EML6: variants seen among roughly 807,000 people sequenced by gnomAD.
EML6 encodes the protein EMAP like 6, also known as echinoderm microtubule-associated protein-like 6.
In EML6, 154 loss-of-function variants were observed where a neutral mutation model predicts 240.1. The observed-to-expected ratio is 0.64, with a 90% CI of 0.56 to 0.73. The LOEUF (loss-of-function observed/expected upper bound fraction) is 0.73. Among genes scored for constraint, EML6 ranks in the 30% least tolerant of loss-of-function variants. The pLI is 0.00. For synonymous variants in EML6, 1,148 were observed against 899.0 expected (o/e 1.28, Z -4.95); for missense variants, 2,964 against 2,474.6 (o/e 1.20, Z -4.20).
intron 20 of EML6, 45 bp from the exon 21 acceptor site, chr2:54,895,228 C>T (rs1672699707): frequency 6.5e-7 from 1 of 1,545,386 alleles, no homozygotes; most frequent in African/African-American, 1.4e-5. Flanking sequence ...TACTAATAAG[C>T]AGTTGTTTTT....
chr2:54,913,502 T>C (rs1481632849), intron 25 of EML6, among the ~76,000 whole-genome samples: 1 of 152,092 alleles, frequency 6.6e-6, no homozygotes, highest in Non-Finnish European at 1.5e-5. Context: ...TTTAATGGGG[T>C]TGTTTTTTGC....
At chr2:54,728,991 G>C (rs923082940) in intron 2 of EML6, among the ~76,000 whole-genome samples, 1 of 152,212 alleles carries the variant, frequency 6.6e-6, no homozygotes, top group Non-Finnish European at 1.5e-5. Flanking sequence ...TGGCATAGCA[G>C]TGGGAGCTTG....
rs1672448665 is a variant in EML6, at chr2:54,891,189, A to ATTC, written c.2539+35_2539+36insTTC. The ATTC allele has an allele frequency of 4.7e-6, 5 of 1,070,110 alleles. No homozygotes were observed. The African/African-American group carries it at 7.8e-5, about 17-fold the overall frequency. 66.3% of individuals were successfully genotyped at this position (1,070,110 alleles called of 1,614,324 possible). The stretch of plus-strand genomic sequence containing the variant: ...TTTGGGTTTATCATTTATGTGATTG[A>ATTC]GAGCTTTACCCTAGCTGGAAAGAAA... On this transcript the variant is annotated intron_variant, in intron 18 of 41. Coordinates refer to ENST00000356458, the MANE Select transcript of EML6 (RefSeq NM_001039753.4).
intron 7 of EML6, among the ~76,000 whole-genome samples, chr2:54,830,535 C>G (rs1668816555): frequency 6.6e-6 from 1 of 152,158 alleles, no homozygotes; most frequent in Non-Finnish European, 1.5e-5. Context: ...TGGGCTGTTC[C>G]TCATGAAGCC....
chr2:54,744,575 G>T lies in EML6; in HGVS notation c.197+19317G>T, dbSNP rs115323527. Among the ~76,000 whole-genome samples the T allele has an allele frequency of 9.2e-3, 1,400 of 152,146 alleles. 17 individuals carry two copies. Among genetic ancestry groups the T allele is most frequent in the African/African-American group, 0.032 (1,338 of 41,484 alleles). ...AGTGTGAAGGAATGACCTCTGGAAC[G>T]CAGAGCAGGGGGAGCAGGAGGGAGA... On this transcript the variant is annotated intron_variant, in intron 2 of 41. Transcript: ENST00000356458.
At chr2:54,860,298 C>T (rs985542090) in intron 12 of EML6, among the ~76,000 whole-genome samples, 1 of 152,048 alleles carries the variant, frequency 6.6e-6, no homozygotes, top group African/African-American at 2.4e-5. Flanking sequence ...ATTTGGGAGT[C>T]TCTAGACCAT....
intron 17 of EML6, among the ~76,000 whole-genome samples, chr2:54,887,974 G>A (rs1280599401): frequency 4.6e-5 from 7 of 152,170 alleles, no homozygotes; most frequent in Admixed American, 6.5e-5. Flanking sequence ...TACATTCTGC[G>A]AGTTTTGACA....
At chr2:54,782,850 C>G (rs549000021) in intron 2 of EML6, among the ~76,000 whole-genome samples, 1 of 152,266 alleles carries the variant, frequency 6.6e-6, no homozygotes, top group Non-Finnish European at 1.5e-5. Context: ...CACCACTTGC[C>G]TACCGTGTAA....
intron 19 of EML6, among the ~76,000 whole-genome samples, chr2:54,893,064 C>T (rs1056365047): frequency 2.2e-4 from 34 of 152,252 alleles, no homozygotes; most frequent in African/African-American, 7.0e-4. Flanking sequence ...CCATTTGCTA[C>T]GATAAATTTG....
intron 6 of EML6, 61 bp downstream of exon 6, chr2:54,827,812 C>T (rs1668669516): frequency 1.7e-6 from 2 of 1,187,288 alleles, no homozygotes; most frequent in Non-Finnish European, 2.4e-6. Flanking sequence ...ACCACGAATC[C>T]CTCCCTGTAT....
intron 25 of EML6, among the ~76,000 whole-genome samples, chr2:54,913,364 C>T (rs993656337): frequency 6.6e-6 from 1 of 151,882 alleles, no homozygotes; most frequent in East Asian, 1.9e-4. Context: ...CTTCCTGCCT[C>T]AGTCTCCCGA....
At position 54,970,354 on chromosome 2, in the gene EML6, A is replaced by C. The variant is rs955408618; in HGVS notation, c.*259A>C. On this transcript the variant is annotated 3_prime_UTR_variant, in exon 42 of 42. Transcript: ENST00000356458. ...CTGTTCCTGAGACTAAACAGTATAC[A>C]TACTAACTACATTGACAAAGAAATC... 4.2e-6 allele frequency: 2 copies of C among 478,196 alleles called. No homozygotes were observed. The highest frequency in any genetic ancestry group is 7.5e-6 in the Non-Finnish European group (2 of 265,330). The allele number at this position is 478,196 out of a possible 1,614,324, so 29.6% of individuals were successfully genotyped here.
chr2:54,968,751 T>A lies in EML6; in HGVS notation c.5835T>A (p.Thr1945=). 6.5e-7 allele frequency: 1 copy of A among 1,542,824 alleles called. No individual in the cohort carries two copies. Among genetic ancestry groups the A allele is most frequent in the Non-Finnish European group, 8.8e-7 (1 of 1,138,856 alleles). Residue 1945 remains threonine, a synonymous_variant, in exon 41 of 42, where the codon ACT becomes ACA. Coordinates refer to ENST00000356458, the MANE Select transcript of EML6 (RefSeq NM_001039753.4). ...FSYDDKYVVS[T]GGDDCSVFVW... Reference sequence around the variant, plus strand: ...ATGATGACAAGTATGTGGTCAGCACTGGAGGAGACGACTGCAGGTACTAAC... The same window carrying A: ...ATGATGACAAGTATGTGGTCAGCACAGGAGGAGACGACTGCAGGTACTAAC...
chr2:54,897,555 A>T (rs1371325577), intron 21 of EML6, among the ~76,000 whole-genome samples: 1 of 152,148 alleles, frequency 6.6e-6, no homozygotes, highest in Admixed American at 6.5e-5. Context: ...TGTTCACCTC[A>T]CCAGGCTGTT....
intron 6 of EML6, among the ~76,000 whole-genome samples, chr2:54,829,094 G>A (rs6727163): frequency 0.059 from 8,975 of 152,134 alleles, 882 homozygotes; most frequent in African/African-American, 0.2. Context: ...TTTTTAAACT[G>A]TAATCTTTTT....
chr2:54,812,771 T>C (rs922896040), intron 2 of EML6, among the ~76,000 whole-genome samples: 5 of 152,188 alleles, frequency 3.3e-5, no homozygotes, highest in African/African-American at 1.2e-4. Flanking sequence ...CCATTCATGC[T>C]TTGAAATCCT....
At chr2:54,776,110 A>T (rs536456772) in intron 2 of EML6, among the ~76,000 whole-genome samples, 2 of 152,174 alleles carry the variant, frequency 1.3e-5, no homozygotes, top group South Asian at 4.2e-4. Context: ...CAGGGGTTCA[A>T]CCTGCCTTAT....
chr2:54,813,982 G>A (rs747963979), intron 3 of EML6, among the ~76,000 whole-genome samples: 4 of 152,136 alleles, frequency 2.6e-5, no homozygotes, highest in Non-Finnish European at 5.9e-5. Context: ...TAATAAGTCA[G>A]TGTCATGTCT....
chr2:54,769,951 T>G (rs935153476), intron 2 of EML6, among the ~76,000 whole-genome samples: 3 of 152,198 alleles, frequency 2.0e-5, no homozygotes, highest in African/African-American at 7.2e-5. Flanking sequence ...TTTGTAGGCC[T>G]TTTTCTAAGT....
Sources: gnomAD v4.1 joint callset for allele counts (sites outside exome capture counted in the v4.1 genomes callset) on GRCh38, gnomAD v4.1.1 for gene constraint, MANE v1.5 for transcripts, NCBI Gene and HGNC (gene_info 2026-07-23, HGNC 2026-07-21) for gene names.